Variants in CFAP54 observed in about 807,000 individuals in gnomAD.
The protein encoded by CFAP54 is cilia- and flagella-associated protein 54.
CFAP54 carries 290 observed loss-of-function variants against 370.4 expected under a neutral mutation model. That is an observed-to-expected ratio of 0.78 (90% confidence interval 0.71 to 0.86). The LOEUF (loss-of-function observed/expected upper bound fraction) is 0.86. Ranked by LOEUF, CFAP54 falls within the 40% of genes least tolerant of loss-of-function variation. The pLI, the probability that CFAP54 is intolerant of heterozygous loss-of-function variation, is 0.00. For missense variants in CFAP54, 3,399 were observed against 3,528.7 expected (o/e 0.96, Z 0.93); for synonymous variants, 1,206 against 1,236.5 (o/e 0.98, Z 0.52).
At chr12:96,490,616 C>T (rs1298717642) in intron 1 of CFAP54, among the ~76,000 whole-genome samples, 2 of 151,928 alleles carry the variant, frequency 1.3e-5, no homozygotes, top group African/African-American at 2.4e-5. Flanking sequence ...TGCTTGAACC[C>T]GGGAGGCAGA....
In CFAP54 at chr12:96,697,181, A is replaced by G. The variant is rs547898879; in HGVS notation, c.6352-2790A>G. ...CTTGTTTGTGTTTGCAGTGTTGGTC[A>G]CCTCTGAAAATATATGTCCATTATT... is the stretch of plus-strand genomic sequence containing the variant. On this transcript the variant is annotated intron_variant, in intron 45 of 67. Coordinates refer to ENST00000524981, the MANE Select transcript of CFAP54 (RefSeq NM_001306084.2). Among the ~76,000 whole-genome samples, 3 of 152,296 alleles carry G rather than the reference A, an allele frequency of 2.0e-5. No homozygotes were observed. The South Asian group carries it at 6.2e-4, about 32-fold the overall frequency.
chr12:96,650,936 C>T (rs1333995329), intron 35 of CFAP54, among the ~76,000 whole-genome samples: 1 of 152,196 alleles, frequency 6.6e-6, no homozygotes, highest in Non-Finnish European at 1.5e-5. Flanking sequence ...CATGGGTCAG[C>T]AGTCTTGAAA....
At chr12:96,623,665 C>A in intron 27 of CFAP54, 102 bp from the exon 28 acceptor site, 1 of 613,104 alleles carries the variant, frequency 1.6e-6, no homozygotes, top group South Asian at 2.0e-5. Flanking sequence ...TTTTATCTAC[C>A]AAGTGTGAAA....
At chr12:96,869,865 G>A (rs1031617948) in intron 67 of CFAP54, among the ~76,000 whole-genome samples, 3 of 149,662 alleles carry the variant, frequency 2.0e-5, no homozygotes, top group Non-Finnish European at 4.4e-5. Flanking sequence ...AACCTGGGAG[G>A]CAGAGGTTGC....
intron 38 of CFAP54, among the ~76,000 whole-genome samples, chr12:96,659,879 A>G (rs1956972953): frequency 1.3e-5 from 2 of 152,144 alleles, no homozygotes; most frequent in Non-Finnish European, 2.9e-5. Flanking sequence ...TCTTCTCACA[A>G]AGTTTCCTTA....
intron 4 of CFAP54, 40 bp downstream of exon 4, chr12:96,507,139 G>A (rs1309200148): frequency 2.1e-6 from 3 of 1,407,876 alleles, no homozygotes; most frequent in Middle Eastern, 1.8e-4. Context: ...GTGTCTTTCA[G>A]AAAGTTACTT....
chr12:96,535,008 C>CTGTGTG (rs4018882), intron 11 of CFAP54, among the ~76,000 whole-genome samples: 3,925 of 137,366 alleles, frequency 0.029, 109 homozygotes, highest in African/African-American at 0.079. Flanking sequence ...GTTTTCTTTT[C>CTGTGTG]TGTGTGTGTG....
intron 17 of CFAP54, among the ~76,000 whole-genome samples, chr12:96,564,234 T>A (rs1228754148): frequency 1.3e-5 from 2 of 152,156 alleles, no homozygotes; most frequent in African/African-American, 4.8e-5. Context: ...AGATAGAAAA[T>A]CAAATATTTT....
chr12:96,854,366 A>G (rs1009752554), intron 66 of CFAP54, among the ~76,000 whole-genome samples: 3 of 152,200 alleles, frequency 2.0e-5, no homozygotes, highest in African/African-American at 7.2e-5. Flanking sequence ...GATGTGTAAC[A>G]TTCTCTAATA....
rs570159427 is a variant in CFAP54 at position 96,675,414 on chromosome 12, C to T, written c.5564-4186C>T. On this transcript the variant is annotated intron_variant, in intron 39 of 67. Coordinates refer to ENST00000524981, the MANE Select transcript of CFAP54 (RefSeq NM_001306084.2). ...TACCATCTCACACCAGTTAGAATGG[C>T]GATCATTAAAAAGTCAGGAAACGAC... Among the ~76,000 whole-genome samples, 54 of 152,202 alleles carry T rather than the reference C, an allele frequency of 3.5e-4. No individual in the cohort carries two copies. In the South Asian group the frequency reaches 6.2e-3, roughly 18 times the overall value.
intron 26 of CFAP54, among the ~76,000 whole-genome samples, chr12:96,613,289 A>C (rs1222595469): frequency 6.6e-6 from 1 of 152,248 alleles, no homozygotes; most frequent in Non-Finnish European, 1.5e-5. Context: ...TAATGAAATG[A>C]AGGGAGAAAT....
intron 66 of CFAP54, among the ~76,000 whole-genome samples, chr12:96,849,786 A>G (rs147375416): frequency 6.6e-6 from 1 of 152,100 alleles, no homozygotes; most frequent in African/African-American, 2.4e-5. Flanking sequence ...TCTTCTTACT[A>G]TTTCAGACTT....
intron 50 of CFAP54, among the ~76,000 whole-genome samples, chr12:96,722,002 T>C (rs1191275985): frequency 6.6e-6 from 1 of 152,202 alleles, no homozygotes; most frequent in African/African-American, 2.4e-5. Flanking sequence ...GCCCGACCAC[T>C]GTCCTTCTCT....
intron 1 of CFAP54, among the ~76,000 whole-genome samples, chr12:96,493,755 G>A (rs368477729): frequency 5.3e-5 from 8 of 152,232 alleles, no homozygotes; most frequent in East Asian, 3.9e-4. Flanking sequence ...CCAAGATCGC[G>A]CCAGTGCACT....
intron 23 of CFAP54, among the ~76,000 whole-genome samples, chr12:96,591,611 C>T (rs540485049): frequency 6.5e-4 from 99 of 151,846 alleles, no homozygotes; most frequent in Non-Finnish European, 4.3e-4. Flanking sequence ...TTTTTTTGGC[C>T]GGGCGCGGTG....
chr12:96,623,848 T>A lies in CFAP54; in HGVS notation c.3853T>A (p.Leu1285Met). Residue 1285 changes from leucine to methionine, a missense_variant, in exon 28 of 68, where the codon TTG becomes ATG. Leu to Met is a conservative substitution (Grantham distance 15). This residue lies in a region of CFAP54 where 2,796 missense variants were observed against 2,869.7 expected (regional missense o/e 0.97). Coordinates refer to ENST00000524981, the MANE Select transcript of CFAP54 (RefSeq NM_001306084.2). Reference protein sequence around the residue: ...PEKINEQLALLETHLLKLTKQ... With the variant: ...PEKINEQLALMETHLLKLTKQ... ...AAAGATAAATGAACAGCTGGCCTTG[T>A]TGGAGACACACCTACTCAAACTGAC... 6.5e-7 allele frequency: 1 copy of A among 1,535,548 alleles called. No homozygotes were observed.
In CFAP54 at chr12:96,656,446, C is replaced by T. The variant is rs550048777; in HGVS notation, c.5101-1436C>T. On this transcript the variant is annotated intron_variant, in intron 36 of 67. Transcript: ENST00000524981. ...AGGCTGGAGTACAATGGCACAATCTCGACTCACCACAACCTCCACCTCCTG... is the reference window on the plus strand; with the variant it reads ...AGGCTGGAGTACAATGGCACAATCTTGACTCACCACAACCTCCACCTCCTG... Among the ~76,000 whole-genome samples, 475 of 152,104 alleles carry T rather than the reference C, an allele frequency of 3.1e-3. 3 individuals carry two copies. The highest frequency in any genetic ancestry group is 0.01 in the African/African-American group (428 of 41,494).
chr12:96,813,018 CA>C (rs1958942457), intron 64 of CFAP54, among the ~76,000 whole-genome samples: 1 of 152,068 alleles, frequency 6.6e-6, no homozygotes, highest in African/African-American at 2.4e-5. Context: ...AACTTAGGTA[CA>C]GGCTACAGAC....
At chr12:96,499,838 C>T (rs552309034) in intron 1 of CFAP54, among the ~76,000 whole-genome samples, 112 of 152,108 alleles carry the variant, frequency 7.4e-4, no homozygotes, top group Non-Finnish European at 1.3e-3. Context: ...CCCAGCTACT[C>T]GGGAGGCTGA....
Sources: allele counts gnomAD v4.1 joint callset (sites outside exome capture counted in the v4.1 genomes callset), GRCh38; gene constraint gnomAD v4.1.1; regional missense constraint gnomAD v4.1.1; transcripts MANE v1.5; gene names NCBI Gene and HGNC (gene_info 2026-07-23, HGNC 2026-07-21).